CNTN2: variants seen among roughly 807,000 people sequenced by gnomAD.
CNTN2 encodes the protein contactin 2.
A neutral mutation model predicts 117.5 loss-of-function variants in CNTN2; 53 were observed. The observed-to-expected ratio is 0.45, with a 90% CI of 0.36 to 0.57. The LOEUF (loss-of-function observed/expected upper bound fraction) is 0.57, where lower values mean the gene tolerates loss of function less well. Among genes scored for constraint, CNTN2 ranks in the 20% least tolerant of loss-of-function variants. The pLI is 0.00. For synonymous variants in CNTN2, 530 were observed against 561.7 expected (o/e 0.94, Z 0.80); for missense variants, 1,106 against 1,404.3 (o/e 0.79, Z 3.39).
rs1354061286 is a variant in CNTN2, at chr1:205,075,924, T to C, written c.*2159T>C. 6.6e-6 allele frequency: 1 copy of C among 152,178 alleles called. No homozygotes were observed. Among genetic ancestry groups the C allele is most frequent in the East Asian group, 1.9e-4 (1 of 5,184 alleles). 9.4% of individuals were successfully genotyped at this position (152,178 alleles called of 1,614,324 possible). A position where few individuals can be genotyped will look rare whatever the true frequency, so the allele number is the denominator to read the frequency against. On this transcript the variant is annotated 3_prime_UTR_variant, in exon 23 of 23. Transcript: ENST00000331830. The stretch of plus-strand genomic sequence containing the variant: ...ATGCTGAACAAAACCTCCTTCCAAG[T>C]TTTATCCAATTCGTTCCTCATTGCC...
intron 1 of CNTN2, among the ~76,000 whole-genome samples, chr1:205,046,636 T>G (rs1286658109): frequency 6.6e-6 from 1 of 152,184 alleles, no homozygotes; most frequent in Non-Finnish European, 1.5e-5. Flanking sequence ...GTCTAGGAAC[T>G]GGGGGGAGCC....
chr1:205,073,114 CCGGCAAGAA>C lies in CNTN2; in HGVS notation c.2893_2901del (p.Gly965_Asn967del). On this transcript the variant is annotated inframe_deletion, in exon 22 of 23. Coordinates refer to ENST00000331830, the MANE Select transcript of CNTN2 (RefSeq NM_005076.5). The surrounding 1 kb of genome is among the most constrained non-coding windows in gnomAD (Gnocchi z 6.3). ...CACCTGACTCCCACGCTCCACCTCA[CCGGCAAGAA>C]CTGGATAGAAATCCCAGTGCCTGAA... 6.2e-7 allele frequency: 1 copy of C among 1,614,172 alleles called. No homozygotes were observed. The highest frequency in any genetic ancestry group is 8.5e-7 in the Non-Finnish European group (1 of 1,180,034).
At chr1:205,068,758 C>T (rs535333452) in intron 16 of CNTN2, 1 of 152,188 alleles carries the variant, frequency 6.6e-6, no homozygotes, top group Admixed American at 6.6e-5. Flanking sequence ...TGTTTAAGTA[C>T]CTCTTGCAAA....
At chr1:205,072,406 AGGGCT>A (rs1260352131) in intron 20 of CNTN2, 72 bp from the exon 21 acceptor site, 21 of 1,223,236 alleles carry the variant, frequency 1.7e-5, no homozygotes, top group Non-Finnish European at 2.5e-5. Context: ...CATCCAGAGA[AGGGCT>A]GGTTAAAGGT....
chr1:205,073,261 C>A lies in CNTN2; in HGVS notation c.3013+25C>A, dbSNP rs756487601. 6.2e-7 allele frequency: 1 copy of A among 1,610,434 alleles called. No homozygotes were observed. The highest frequency in any genetic ancestry group is 1.1e-5 in the South Asian group (1 of 90,860). Reference sequence around the variant, plus strand: ...GGTGCTGCTCCTCCCCTACCCTTATCCCCTCGAGAGATTCAGGATCCACCC... The same window carrying A: ...GGTGCTGCTCCTCCCCTACCCTTATACCCTCGAGAGATTCAGGATCCACCC... On this transcript the variant is annotated intron_variant, in intron 22 of 22. Coordinates refer to ENST00000331830, the MANE Select transcript of CNTN2 (RefSeq NM_005076.5). The surrounding 1 kb of genome is among the most constrained non-coding windows in gnomAD (Gnocchi z 6.3).
intron 2 of CNTN2, among the ~76,000 whole-genome samples, chr1:205,056,416 G>C (rs1306733969): frequency 6.6e-6 from 1 of 152,162 alleles, no homozygotes; most frequent in East Asian, 1.9e-4. Flanking sequence ...GAGGCCTGGG[G>C]CGGCAGTGAG....
chr1:205,059,037 C>A lies in CNTN2; in HGVS notation c.488-47C>A, dbSNP rs1400944042. The A allele has an allele frequency of 1.3e-6, 2 of 1,573,666 alleles. No homozygotes were observed. Among genetic ancestry groups the A allele is most frequent in the Middle Eastern group, 1.7e-4 (1 of 5,984 alleles). ...TGCTGGGGTCCCACCCAGAGTGGCC[C>A]TGTTAGCCCAGCACCCCCTGGTTTC... On this transcript the variant is annotated intron_variant, in intron 5 of 22. Coordinates refer to ENST00000331830, the MANE Select transcript of CNTN2 (RefSeq NM_005076.5). This position sits in a 1 kb window ranked among gnomAD's most constrained non-coding sequence, Gnocchi z 5.6.
intron 10 of CNTN2, chr1:205,063,338 A>G (rs541849484): frequency 5.3e-5 from 8 of 152,336 alleles, no homozygotes; most frequent in African/African-American, 1.9e-4. Flanking sequence ...GTATAAAGAA[A>G]ATCCAGGCAG....
chr1:205,069,679 T>G, intron 17 of CNTN2, 118 bp downstream of exon 17: 1 of 1,399,730 alleles, frequency 7.1e-7, no homozygotes, highest in South Asian at 1.2e-5. Flanking sequence ...CCTGTCCCCC[T>G]TCCACGCACC....
rs113710834 is a variant in CNTN2, at chr1:205,049,926, G to A, written c.-86-3174G>A. ...CCATGCTCTCTCCCTAGCCTCCCAT[G>A]GTGGCCTTGAGACAGGTCCAAACAG... is the stretch of plus-strand genomic sequence containing the variant. On this transcript the variant is annotated intron_variant, in intron 1 of 22. Transcript: ENST00000331830. Among the ~76,000 whole-genome samples, 850 of 152,278 alleles carry A rather than the reference G, an allele frequency of 5.6e-3. 13 individuals carry two copies. Among genetic ancestry groups the A allele is most frequent in the African/African-American group, 0.019 (806 of 41,560 alleles).
In CNTN2 at chr1:205,064,544, T is replaced by C. The variant is rs535553382; in HGVS notation, c.1391+72T>C. 2.2e-5 allele frequency: 35 copies of C among 1,597,226 alleles called. No individual in the cohort carries two copies. The African/African-American group carries it at 4.7e-4, about 21-fold the overall frequency. The stretch of plus-strand genomic sequence containing the variant: ...TCCATGGAGGCCAATTCCCCTCCTG[T>C]GACAACAGTCACAGGAGTTGGCCAG... On this transcript the variant is annotated intron_variant, in intron 11 of 22. Transcript: ENST00000331830.
rs1454419298 is a variant in CNTN2, at chr1:205,073,243, C to T, written c.3013+7C>T. The T allele has an allele frequency of 6.2e-7, 1 of 1,613,522 alleles. No homozygotes were observed. Among genetic ancestry groups the T allele is most frequent in the Non-Finnish European group, 8.5e-7 (1 of 1,179,796 alleles). On this transcript the variant is annotated splice_region_variant and intron_variant, in intron 22 of 22. Transcript: ENST00000331830. The surrounding 1 kb of genome is among the most constrained non-coding windows in gnomAD (Gnocchi z 6.3). Reference sequence around the variant, plus strand: ...CACATCGTGAGGAATGGAGGTGCTGCTCCTCCCCTACCCTTATCCCCTCGA... The same window carrying T: ...CACATCGTGAGGAATGGAGGTGCTGTTCCTCCCCTACCCTTATCCCCTCGA...
Position 205,059,311 on chromosome 1 carries a change from G to T in CNTN2, c.697+18G>T, listed in dbSNP as rs872379. 57,519 of 1,607,936 alleles carry T rather than the reference G, an allele frequency of 0.036. 1,840 individuals are homozygous for T. The highest frequency in any genetic ancestry group is 0.12 in the South Asian group (10,940 of 90,368). ...TGCTGAAGGTCAGGCTTGGCCAGGC[G>T]TGGCTGGAGGGAGGGAACTGGAAGG... is the stretch of plus-strand genomic sequence containing the variant. On this transcript the variant is annotated intron_variant, in intron 6 of 22. Coordinates refer to ENST00000331830, the MANE Select transcript of CNTN2 (RefSeq NM_005076.5). This position sits in a 1 kb window ranked among gnomAD's most constrained non-coding sequence, Gnocchi z 5.6.
At chr1:205,072,211 G>T in intron 20 of CNTN2, 78 bp downstream of exon 20, 17 of 1,395,282 alleles carry the variant, frequency 1.2e-5, no homozygotes, top group Non-Finnish European at 1.7e-5. Flanking sequence ...CTTCCCCAAT[G>T]ATAAGACAAA....
At chr1:205,066,028 C>T (rs758979056) in intron 14 of CNTN2, 119 bp downstream of exon 14, 16 of 1,247,512 alleles carry the variant, frequency 1.3e-5, no homozygotes, top group Middle Eastern at 1.9e-4. Context: ...GGGCTTCCGG[C>T]GGAACTCCTG....
intron 1 of CNTN2, among the ~76,000 whole-genome samples, chr1:205,049,281 GACACACACAC>G (rs3835569): frequency 6.9e-4 from 83 of 120,728 alleles, no homozygotes; most frequent in South Asian, 2.7e-3. Context: ...CCTCACACCC[GACACACACAC>G]ACACACACAC....
At chr1:205,071,607 A>C (rs895426967) in intron 19 of CNTN2, among the ~76,000 whole-genome samples, 44 of 152,332 alleles carry the variant, frequency 2.9e-4, no homozygotes, top group African/African-American at 9.6e-4. Flanking sequence ...AATACAAATA[A>C]GCATTTTCTG....
intron 2 of CNTN2, among the ~76,000 whole-genome samples, chr1:205,054,631 A>G (rs556627632): frequency 6.6e-6 from 1 of 152,274 alleles, no homozygotes; most frequent in East Asian, 1.9e-4. Flanking sequence ...AGACCCAGAG[A>G]CACATGAAGC....
rs926905242 is a variant in CNTN2 at position 205,074,311 on chromosome 1, C to G, written c.*546C>G. 7.5e-6 allele frequency: 3 copies of G among 401,256 alleles called. No individual in the cohort carries two copies. The highest frequency in any genetic ancestry group is 4.1e-5 in the African/African-American group (2 of 48,642). 24.9% of individuals were successfully genotyped at this position (401,256 alleles called of 1,614,324 possible). A position where few individuals can be genotyped will look rare whatever the true frequency, so the allele number is the denominator to read the frequency against. On this transcript the variant is annotated 3_prime_UTR_variant, in exon 23 of 23. Coordinates refer to ENST00000331830, the MANE Select transcript of CNTN2 (RefSeq NM_005076.5). ...ACCCTGACGCTGTCCCCGATAACTC[C>G]CTAGGGGCTCCTGCCTGCCCAAGCG...
Sources: gnomAD v4.1 joint callset for allele counts (sites outside exome capture counted in the v4.1 genomes callset) on GRCh38, gnomAD v4.1.1 for gene constraint, Gnocchi (gnomAD v3.1) non-coding constraint, MANE v1.5 for transcripts, NCBI Gene and HGNC (gene_info 2026-07-23, HGNC 2026-07-21) for gene names.